Variants in SAMMSON observed in about 807,000 individuals in gnomAD.
SAMMSON encodes the protein survival associated mitochondrial melanoma specific oncogenic non-coding RNA, also known as long intergenic non-protein coding RNA 1212.
intron 9 of SAMMSON, among the ~76,000 whole-genome samples, chr3:70,383,130 C>G (rs1487081230): frequency 1.3e-5 from 2 of 151,994 alleles, no homozygotes; most frequent in African/African-American, 4.8e-5. Flanking sequence ...GTATAAATCT[C>G]TTTATGATTT....
intron 4 of SAMMSON, among the ~76,000 whole-genome samples, chr3:70,199,611 T>G (rs570116828): frequency 6.6e-6 from 1 of 152,302 alleles, no homozygotes; most frequent in African/African-American, 2.4e-5. Context: ...CTAAAAGGCA[T>G]GTTAAATAGT....
chr3:70,201,279 T>C (rs1430548623), intron 4 of SAMMSON, among the ~76,000 whole-genome samples: 1 of 152,144 alleles, frequency 6.6e-6, no homozygotes, highest in African/African-American at 2.4e-5. Flanking sequence ...CTCCCACTTA[T>C]GGGTGAGAAC....
At chr3:70,082,317 A>C (rs1005424876) in intron 4 of SAMMSON, among the ~76,000 whole-genome samples, 2 of 152,240 alleles carry the variant, frequency 1.3e-5, no homozygotes, top group African/African-American at 4.8e-5. Flanking sequence ...ATTGTGATTA[A>C]TATTAGTTAA....
At chr3:70,209,687 G>A (rs1422979233) in intron 4 of SAMMSON, among the ~76,000 whole-genome samples, 1 of 151,994 alleles carries the variant, frequency 6.6e-6, no homozygotes, top group African/African-American at 2.4e-5. Flanking sequence ...TTTATATTAT[G>A]CAATGTTTTC....
At chr3:70,401,721 T>A (rs1701143460) in intron 2 of SAMMSON, among the ~76,000 whole-genome samples, 1 of 152,164 alleles carries the variant, frequency 6.6e-6, no homozygotes, top group African/African-American at 2.4e-5. Flanking sequence ...AAATATACCT[T>A]TTTAGCTTAG....
intron 7 of SAMMSON, among the ~76,000 whole-genome samples, chr3:70,338,493 A>G (rs147336240): frequency 1.7e-3 from 266 of 152,114 alleles, no homozygotes; most frequent in African/African-American, 6.1e-3. Context: ...GATTGTATAT[A>G]TAGAAAACCC....
intron 4 of SAMMSON, among the ~76,000 whole-genome samples, chr3:70,188,355 T>C (rs1701107258): frequency 6.6e-6 from 1 of 152,194 alleles, no homozygotes; most frequent in Non-Finnish European, 1.5e-5. Flanking sequence ...GGTAGTTCAG[T>C]GAGATAATGC....
At chr3:70,019,073 A>G (rs999877023) in intron 3 of SAMMSON, among the ~76,000 whole-genome samples, 4 of 152,140 alleles carry the variant, frequency 2.6e-5, no homozygotes, top group Non-Finnish European at 4.4e-5. Flanking sequence ...TTTGGGGTGG[A>G]GAGTTCTGTA....
At chr3:70,104,189 G>A (rs1010096493) in intron 4 of SAMMSON, among the ~76,000 whole-genome samples, 2 of 151,676 alleles carry the variant, frequency 1.3e-5, no homozygotes, top group Non-Finnish European at 1.5e-5. Context: ...GTCCAATAAA[G>A]TCTTCACAGG....
chr3:70,214,430 TA>T (rs1039907868), intron 4 of SAMMSON, among the ~76,000 whole-genome samples: 10 of 151,994 alleles, frequency 6.6e-5, no homozygotes, highest in Non-Finnish European at 1.5e-4. Context: ...AAATCTTTTT[TA>T]AAAAGAGAGA....
rs564537868 is a variant in SAMMSON at position 70,017,474 on chromosome 3, A to G, written n.417+3802A>G. Among the ~76,000 whole-genome samples, 67 of 152,192 alleles carry G rather than the reference A, an allele frequency of 4.4e-4. No individual in the cohort carries two copies. The East Asian group carries it at 0.012, about 27-fold the overall frequency. On this transcript the variant is annotated intron_variant and non_coding_transcript_variant, in intron 3 of 9. Coordinates refer to ENST00000642114, the Ensembl canonical transcript of SAMMSON. ...GCTGAAGTTGCCTATCAGCTTAAGG[A>G]GATTTTGGGCTGAGACGATGGGGTT... is the stretch of plus-strand genomic sequence containing the variant.
chr3:70,132,770 T>TAA (rs79327577), intron 4 of SAMMSON, among the ~76,000 whole-genome samples: 2 of 93,372 alleles, frequency 2.1e-5, no homozygotes, highest in Non-Finnish European at 2.2e-5. Flanking sequence ...GATGAGACCC[T>TAA]AAAAAAAAAA....
intron 4 of SAMMSON, among the ~76,000 whole-genome samples, chr3:70,176,545 A>C (rs1022058442): frequency 1.3e-5 from 2 of 152,144 alleles, no homozygotes; most frequent in African/African-American, 4.8e-5. Context: ...ATGATGTTCT[A>C]TGAGTTGTTA....
In SAMMSON at chr3:70,288,420, G is replaced by C. The variant is rs1267319405; in HGVS notation, n.675-2759G>C. On this transcript the variant is annotated intron_variant and non_coding_transcript_variant, in intron 6 of 9. Transcript: ENST00000642114. ...CTAGTTTGATTGCACTGTGGTCTGA[G>C]AGATAGTTTGTTATAATTTCTGTTC... 2.7e-5 allele frequency among the ~76,000 whole-genome samples: 4 copies of C among 149,706 alleles called. No individual in the cohort carries two copies. In the East Asian group the frequency reaches 7.8e-4, roughly 29 times the overall value.
At chr3:70,021,776 T>C (rs1042218553) in intron 3 of SAMMSON, among the ~76,000 whole-genome samples, 7 of 152,188 alleles carry the variant, frequency 4.6e-5, no homozygotes, top group Non-Finnish European at 8.8e-5. Context: ...AATAAGGTTT[T>C]TGAGTGCATT....
intron 7 of SAMMSON, among the ~76,000 whole-genome samples, chr3:70,346,345 A>G (rs370444214): frequency 6.8e-6 from 1 of 147,798 alleles, no homozygotes; most frequent in East Asian, 2.0e-4. Context: ...TGTTGTATAT[A>G]AAAACTCATC....
At chr3:70,115,440 G>C (rs929166357) in intron 4 of SAMMSON, among the ~76,000 whole-genome samples, 1 of 151,986 alleles carries the variant, frequency 6.6e-6, no homozygotes, top group Non-Finnish European at 1.5e-5. Context: ...TATTTTCACG[G>C]AAAAGATCAT....
At chr3:70,058,595 G>T (rs1291274828) in intron 3 of SAMMSON, among the ~76,000 whole-genome samples, 1 of 152,142 alleles carries the variant, frequency 6.6e-6, no homozygotes, top group East Asian at 1.9e-4. Flanking sequence ...ATTTTGTTTA[G>T]ATGGATGTTG....
At chr3:70,109,834 C>T (rs995854244) in intron 4 of SAMMSON, among the ~76,000 whole-genome samples, 2 of 152,302 alleles carry the variant, frequency 1.3e-5, no homozygotes, top group Non-Finnish European at 2.9e-5. Flanking sequence ...CTTATTCTTT[C>T]TTCTGTCCTA....
Sources: gnomAD v4.1 joint callset for allele counts (sites outside exome capture counted in the v4.1 genomes callset) on GRCh38, gnomAD v4.1.1 for gene constraint, MANE v1.5 for transcripts, NCBI Gene and HGNC (gene_info 2026-07-23, HGNC 2026-07-21) for gene names.